Variants in RTCB observed in about 807,000 individuals in gnomAD.
The protein encoded by RTCB is RNA 2',3'-cyclic phosphate and 5'-OH ligase, also known as RNA-splicing ligase RTCB.
A neutral mutation model predicts 58.2 loss-of-function variants in RTCB; 32 were observed. That is an observed-to-expected ratio of 0.55 (90% CI 0.41 to 0.74). The LOEUF (loss-of-function observed/expected upper bound fraction) is 0.74, where lower values mean the gene tolerates loss of function less well. RTCB is among the 30% of genes least tolerant of loss of function. The pLI, the probability that RTCB is intolerant of heterozygous loss-of-function variation, is 0.00. For synonymous variants in RTCB, 247 were observed against 218.6 expected (o/e 1.13, Z -1.15); for missense variants, 523 against 639.0 (o/e 0.82, Z 1.96).
intron 6 of RTCB, among the ~76,000 whole-genome samples, chr22:32,398,844 T>A (rs1438212882): frequency 1.3e-5 from 2 of 152,148 alleles, no homozygotes; most frequent in Non-Finnish European, 2.9e-5. Flanking sequence ...TATTAATAGA[T>A]GATTTAGAGA....
At chr22:32,411,956 G>A in intron 1 of RTCB, 108 bp downstream of exon 1, 4 of 771,574 alleles carry the variant, frequency 5.2e-6, no homozygotes, top group Non-Finnish European at 8.2e-6. Context: ...AACTCTGCAA[G>A]GGGCCGGGGC....
intron 1 of RTCB, 55 bp downstream of exon 1, chr22:32,412,009 C>T: frequency 1.4e-6 from 2 of 1,438,706 alleles, no homozygotes; most frequent in Non-Finnish European, 1.9e-6. Flanking sequence ...CAGTGGACGC[C>T]GGCCGGGCCG....
chr22:32,407,521 G>T (rs1933447454), intron 3 of RTCB: 1 of 152,440 alleles, frequency 6.6e-6, no homozygotes, highest in Non-Finnish European at 1.5e-5. Context: ...CCTCTGCATA[G>T]GAAGTGAAAC....
rs368922770 is a variant in RTCB at position 32,408,730 on chromosome 22, A to T, written c.172+25T>A. 1.0e-4 allele frequency: 159 copies of T among 1,562,484 alleles called. 4 individuals are homozygous for T. In the East Asian group the frequency reaches 2.1e-3, roughly 21 times the overall value. On this transcript the variant is annotated intron_variant, in intron 2 of 11. Transcript: ENST00000216038. ...ACAGGGAAGGCACTACCGTACTAAC[A>T]CAAGTGAAACTCTAATGTACTTACC...
At chr22:32,403,709 G>A (rs5749428) in intron 4 of RTCB, among the ~76,000 whole-genome samples, 32,338 of 152,084 alleles carry the variant, frequency 0.21, 3,729 homozygotes, top group East Asian at 0.45. Flanking sequence ...GGGACTATAG[G>A]TATTAGGCTG....
chr22:32,396,105 T>C lies in RTCB; in HGVS notation c.959A>G (p.Asn320Ser). 1 of 1,614,124 alleles carries C rather than the reference T, an allele frequency of 6.2e-7. No homozygotes were observed. The highest frequency in any genetic ancestry group is 8.5e-7 in the Non-Finnish European group (1 of 1,180,004). Residue 320 changes from asparagine (N) to serine (S), a missense_variant, in exon 8 of 12, where the codon AAC (asparagine) becomes AGC (serine). Physicochemically the swap from Asn to Ser is conservative, Grantham distance 46 (BLOSUM62 1). Coordinates refer to ENST00000216038, the MANE Select transcript of RTCB (RefSeq NM_014306.5). ...GGTTAAGAAGGTCATGGAAGAGCGG[T>C]TGACCCAGGCATAGTTCCCAGCAGC... ...MAAAGNYAWVNRSSMTFLTRQ... is the reference protein window; with the variant it reads ...MAAAGNYAWVSRSSMTFLTRQ...
intron 8 of RTCB, 109 bp from the exon 9 acceptor site, chr22:32,395,323 G>A: frequency 1.1e-6 from 1 of 900,394 alleles, no homozygotes; most frequent in South Asian, 1.9e-5. Flanking sequence ...GGGAGTAAAA[G>A]ATTTAAAAGT....
intron 2 of RTCB, 144 bp downstream of exon 2, chr22:32,408,611 A>G (rs931098951): frequency 1.1e-4 from 76 of 661,890 alleles, no homozygotes; most frequent in Non-Finnish European, 1.6e-4. Flanking sequence ...GTGATCACAA[A>G]TAAGTAAGTG....
intron 6 of RTCB, among the ~76,000 whole-genome samples, chr22:32,398,981 A>C (rs916447504): frequency 3.3e-5 from 5 of 152,264 alleles, no homozygotes; most frequent in African/African-American, 4.8e-5. Flanking sequence ...TTAGTGGCAA[A>C]GCCTTCACAA....
chr22:32,395,621 A>G (rs1933232229), intron 8 of RTCB, among the ~76,000 whole-genome samples: 1 of 152,250 alleles, frequency 6.6e-6, no homozygotes, highest in South Asian at 2.1e-4. Flanking sequence ...AACCTTGGAC[A>G]CTTCTCTGGT....
chr22:32,398,987 C>A (rs1038126338), intron 6 of RTCB, among the ~76,000 whole-genome samples: 4 of 152,164 alleles, frequency 2.6e-5, no homozygotes, highest in Admixed American at 2.6e-4. Context: ...GCAAAGCCTT[C>A]ACAACTAGCT....
chr22:32,399,944 A>T, intron 5 of RTCB, 185 bp from the exon 6 acceptor site: 1 of 458,852 alleles, frequency 2.2e-6, no homozygotes, highest in East Asian at 3.1e-5. Flanking sequence ...TCATATAAAT[A>T]ATTCCAATAT....
chr22:32,411,854 C>A (rs970058991), intron 1 of RTCB, among the ~76,000 whole-genome samples: 5 of 152,194 alleles, frequency 3.3e-5, no homozygotes, highest in African/African-American at 1.2e-4. Context: ...TTAGCTTGTC[C>A]TCGTGGTTCG....
At chr22:32,401,262 A>T (rs1043007559) in intron 5 of RTCB, among the ~76,000 whole-genome samples, 17 of 144,574 alleles carry the variant, frequency 1.2e-4, no homozygotes, top group African/African-American at 3.8e-4. Flanking sequence ...TGCCTAGTTA[A>T]TTTTTTTTTT....
At chr22:32,395,605 C>T (rs928248067) in intron 8 of RTCB, among the ~76,000 whole-genome samples, 48 of 152,350 alleles carry the variant, frequency 3.2e-4, no homozygotes, top group African/African-American at 1.1e-3. Flanking sequence ...TTTAAGACAA[C>T]ACCAAAACCT....
At chr22:32,393,209 T>G (rs2145889782) in intron 10 of RTCB, among the ~76,000 whole-genome samples, 1 of 152,350 alleles carries the variant, frequency 6.6e-6, no homozygotes, top group East Asian at 1.9e-4. Context: ...GTGCTGTAAT[T>G]ACAAGTGTGA....
At position 32,408,662 on chromosome 22, in the gene RTCB, T is replaced by G. The variant is rs549629569; in HGVS notation, c.172+93A>C. 1.5e-4 allele frequency: 134 copies of G among 910,476 alleles called. 2 individuals carry two copies. In the South Asian group the frequency reaches 1.8e-3, roughly 12 times the overall value. The allele number at this position is 910,476 out of a possible 1,614,324, so 56.4% of individuals were successfully genotyped here. A position where few individuals can be genotyped will look rare whatever the true frequency, so the allele number is the denominator to read the frequency against. Reference sequence around the variant, plus strand: ...TTAAGTTGTAATCACTCCTTGACAATATTTCAGAATTATAATTATTTGAGT... The same window carrying G: ...TTAAGTTGTAATCACTCCTTGACAAGATTTCAGAATTATAATTATTTGAGT... On this transcript the variant is annotated intron_variant, in intron 2 of 11. Coordinates refer to ENST00000216038, the MANE Select transcript of RTCB (RefSeq NM_014306.5).
chr22:32,404,614 G>A (rs1933391020), intron 4 of RTCB, among the ~76,000 whole-genome samples: 1 of 152,076 alleles, frequency 6.6e-6, no homozygotes, highest in Non-Finnish European at 1.5e-5. Flanking sequence ...CCTATGTTGT[G>A]CAGGCTGGTT....
At chr22:32,408,695 T>C in intron 2 of RTCB, 60 bp downstream of exon 2, 2 of 1,280,242 alleles carry the variant, frequency 1.6e-6, no homozygotes, top group Non-Finnish European at 1.1e-6. Flanking sequence ...AGTTGCCACT[T>C]TTTCAGGCCA....
Sources: allele counts gnomAD v4.1 joint callset (sites outside exome capture counted in the v4.1 genomes callset), GRCh38; gene constraint gnomAD v4.1.1; transcripts MANE v1.5; gene names NCBI Gene and HGNC (gene_info 2026-07-23, HGNC 2026-07-21).